ZNF385D: variants seen among roughly 807,000 people sequenced by gnomAD.
ZNF385D encodes the protein zinc finger protein 659.
ZNF385D carries 15 observed loss-of-function variants against 35.8 expected under a neutral mutation model. That is an observed-to-expected ratio of 0.42 (90% CI 0.28 to 0.64). The LOEUF is 0.64. Ranked by LOEUF, ZNF385D falls within the 30% of genes least tolerant of loss-of-function variation. The pLI, the probability that ZNF385D is intolerant of heterozygous loss-of-function variation, is 0.23. For missense variants in ZNF385D, 474 were observed against 494.6 expected, an observed-to-expected ratio of 0.96 and a Z score of 0.39; for synonymous variants, 212 against 186.8, an observed-to-expected ratio of 1.13 and a Z score of -1.10.
intron 3 of ZNF385D, among the ~76,000 whole-genome samples, chr3:21,521,844 T>C (rs1031358404): frequency 6.6e-6 from 1 of 152,188 alleles, no homozygotes; most frequent in Non-Finnish European, 1.5e-5. Flanking sequence ...TAACTCCTTT[T>C]GCAGAGGGGT....
At chr3:21,425,790 A>G in intron 5 of ZNF385D, 120 bp from the exon 6 acceptor site, 1 of 847,624 alleles carries the variant, frequency 1.2e-6, no homozygotes, top group Non-Finnish European at 1.7e-6. Context: ...ACAGTACAAT[A>G]ACAAAATCTG....
chr3:21,454,768 G>A (rs1196454783), intron 4 of ZNF385D, among the ~76,000 whole-genome samples: 1 of 152,142 alleles, frequency 6.6e-6, no homozygotes, highest in Non-Finnish European at 1.5e-5. Flanking sequence ...GAAATAAAGG[G>A]TATTCAATTA....
At position 22,034,329 on chromosome 3, in the gene ZNF385D, G is replaced by C. The variant is rs148293320; in HGVS notation, c.325+134488C>G. 2.4e-3 allele frequency among the ~76,000 whole-genome samples: 359 copies of C among 152,212 alleles called. 2 individuals are homozygous for C. The highest frequency in any genetic ancestry group is 5.3e-3 in the Admixed American group (81 of 15,272). ...CAAGAAGCTGGCAGTTTGTAACCTG[G>C]AAAATGGCCCTCATGAGAACCTGAC... On this transcript the variant is annotated intron_variant, in intron 3 of 5. Coordinates refer to the ZNF385D transcript ENST00000494108.
intron 4 of ZNF385D, among the ~76,000 whole-genome samples, chr3:21,468,784 C>T (rs944747028): frequency 1.3e-5 from 2 of 151,928 alleles, no homozygotes; most frequent in African/African-American, 2.4e-5. Context: ...ATTAGCCGGG[C>T]GTAGTGGTGC....
At chr3:21,909,145 C>T (rs1699837336) in intron 3 of ZNF385D, among the ~76,000 whole-genome samples, 1 of 152,020 alleles carries the variant, frequency 6.6e-6, no homozygotes, top group African/African-American at 2.4e-5. Context: ...ACTTATCTTC[C>T]TACAGAATGG....
rs1231007508 is a variant in ZNF385D at position 21,420,214 on chromosome 3, G to C, written c.*1000C>G. The C allele has an allele frequency of 1.3e-5, 2 of 152,032 alleles. No homozygotes were observed. The highest frequency in any genetic ancestry group is 2.9e-5 in the Non-Finnish European group (2 of 68,012). 9.4% of individuals were successfully genotyped at this position (152,032 alleles called of 1,614,324 possible). The stretch of plus-strand genomic sequence containing the variant: ...ACAACCCTACTGGTATGATATAAAG[G>C]GGATACTGCAGAGATGCAACATTCT... On this transcript the variant is annotated 3_prime_UTR_variant, in exon 8 of 8. Coordinates refer to ENST00000281523, the MANE Select transcript of ZNF385D (RefSeq NM_024697.3).
chr3:22,369,690 G>A (rs1007971959), intron 2 of ZNF385D, among the ~76,000 whole-genome samples: 2 of 152,042 alleles, frequency 1.3e-5, no homozygotes, highest in African/African-American at 4.8e-5. Context: ...ATTCATGTAT[G>A]GATAAATGAG....
At chr3:22,015,164 A>C (rs1179086843) in intron 3 of ZNF385D, among the ~76,000 whole-genome samples, 1 of 152,116 alleles carries the variant, frequency 6.6e-6, no homozygotes, top group East Asian at 1.9e-4. Context: ...CCAATTACAG[A>C]ATTCAGTTTA....
At chr3:21,555,927 T>G (rs1207385715) in intron 3 of ZNF385D, among the ~76,000 whole-genome samples, 6 of 151,720 alleles carry the variant, frequency 4.0e-5, no homozygotes, top group African/African-American at 1.5e-4. Flanking sequence ...AGATGGTATC[T>G]CATTGTGGTT....
At chr3:22,037,563 T>A (rs1698411952) in intron 3 of ZNF385D, among the ~76,000 whole-genome samples, 1 of 151,832 alleles carries the variant, frequency 6.6e-6, no homozygotes, top group African/African-American at 2.4e-5. Flanking sequence ...GGGGTTGTTT[T>A]TTTCTTGTAA....
chr3:21,808,255 C>T (rs2072742383), intron 3 of ZNF385D, among the ~76,000 whole-genome samples: 1 of 152,046 alleles, frequency 6.6e-6, no homozygotes, highest in Non-Finnish European at 1.5e-5. Flanking sequence ...ACATAAATAA[C>T]AACTCAAACA....
At position 21,983,171 on chromosome 3, in the gene ZNF385D, T is replaced by TA. The variant is rs1236192510; in HGVS notation, c.325+185645_325+185646insT. ...TTTATTTTATTTTATTTTATTATTT[T>TA]TTTTTATTATACTTTAAGTTTTAGG... On this transcript the variant is annotated intron_variant, in intron 3 of 5. Coordinates refer to the ZNF385D transcript ENST00000494108. 6.3e-3 allele frequency among the ~76,000 whole-genome samples: 928 copies of TA among 148,270 alleles called. 12 individuals are homozygous for TA. The highest frequency in any genetic ancestry group is 0.022 in the African/African-American group (882 of 40,650).
intron 3 of ZNF385D, among the ~76,000 whole-genome samples, chr3:22,150,085 C>T (rs1181798220): frequency 6.6e-6 from 1 of 152,158 alleles, no homozygotes; most frequent in African/African-American, 2.4e-5. Context: ...ATCTGCATTA[C>T]TGCATTTGCT....
At chr3:21,946,082 C>T (rs1016086905) in intron 3 of ZNF385D, among the ~76,000 whole-genome samples, 3 of 152,148 alleles carry the variant, frequency 2.0e-5, no homozygotes, top group African/African-American at 7.2e-5. Flanking sequence ...TGGATCAATT[C>T]ACCAAATGTA....
At chr3:21,698,764 A>G (rs548235931) in intron 1 of ZNF385D, among the ~76,000 whole-genome samples, 10 of 152,344 alleles carry the variant, frequency 6.6e-5, no homozygotes, top group East Asian at 1.9e-4. Context: ...TGGTCATTAG[A>G]GAAATGTAAA....
Position 21,417,565 on chromosome 3 carries a change from A to C in ZNF385D, c.*3649T>G, listed in dbSNP as rs1437442527. The C allele has an allele frequency of 3.3e-5, 5 of 152,292 alleles. No individual in the cohort carries two copies. The East Asian group carries it at 9.6e-4, about 29-fold the overall frequency. 9.4% of individuals were successfully genotyped at this position (152,292 alleles called of 1,614,324 possible). On this transcript the variant is annotated 3_prime_UTR_variant, in exon 8 of 8. Coordinates refer to ENST00000281523, the MANE Select transcript of ZNF385D (RefSeq NM_024697.3). ...ATTTCTTCAGAACAATTGAAACATT[A>C]CACTGGTACAAAGACAAAGATATTA...
At chr3:22,162,483 C>A (rs1386104509) in intron 3 of ZNF385D, among the ~76,000 whole-genome samples, 4 of 152,118 alleles carry the variant, frequency 2.6e-5, no homozygotes, top group African/African-American at 9.7e-5. Context: ...GAAGTTCTAA[C>A]AGAGACATTT....
intron 3 of ZNF385D, among the ~76,000 whole-genome samples, chr3:21,553,584 A>T (rs920255368): frequency 6.6e-6 from 1 of 152,140 alleles, no homozygotes; most frequent in African/African-American, 2.4e-5. Context: ...AAATAAGACA[A>T]CAGTGAAGTT....
At chr3:21,853,871 A>G (rs558693582) in intron 3 of ZNF385D, among the ~76,000 whole-genome samples, 2 of 152,018 alleles carry the variant, frequency 1.3e-5, no homozygotes, top group East Asian at 3.9e-4. Flanking sequence ...AATTCCATGT[A>G]TATGAAGTTC....
Sources: allele counts gnomAD v4.1 joint callset (sites outside exome capture counted in the v4.1 genomes callset), GRCh38; gene constraint gnomAD v4.1.1; transcripts MANE v1.5; gene names NCBI Gene and HGNC (gene_info 2026-07-23, HGNC 2026-07-21).